Variants in SRCIN1 observed in about 807,000 individuals in gnomAD.
The protein encoded by SRCIN1 is SRC kinase signaling inhibitor 1.
In SRCIN1, 50 loss-of-function variants were observed where a neutral mutation model predicts 116.2. The ratio of observed to expected loss-of-function variants is 0.43; its 90% CI spans 0.34 to 0.54. SRCIN1 has a LOEUF of 0.54. Among genes scored for constraint, SRCIN1 ranks in the 20% least tolerant of loss-of-function variants. SRCIN1 has a pLI of 0.02. For synonymous variants in SRCIN1, 736 were observed against 750.0 expected (o/e 0.98, Z 0.30); for missense variants, 1,446 against 1,672.0 (o/e 0.86, Z 2.36).
intron 1 of SRCIN1, among the ~76,000 whole-genome samples, chr17:38,580,162 C>G (rs552246465): frequency 6.6e-6 from 1 of 151,154 alleles, no homozygotes; most frequent in Non-Finnish European, 1.5e-5. Flanking sequence ...AGCCTCCTCC[C>G]GCCAAGCATC....
At chr17:38,577,210 C>T (rs941259441) in intron 2 of SRCIN1, among the ~76,000 whole-genome samples, 19 of 152,222 alleles carry the variant, frequency 1.2e-4, no homozygotes, top group African/African-American at 4.6e-4. Flanking sequence ...CTCTAAACCC[C>T]GTCCCAACTG....
intron 1 of SRCIN1, among the ~76,000 whole-genome samples, chr17:38,598,029 C>G (rs992288883): frequency 6.6e-6 from 1 of 152,144 alleles, no homozygotes; most frequent in Admixed American, 6.5e-5. Flanking sequence ...CTCCAGGAAG[C>G]CCCGCACAAG....
chr17:38,548,654 G>C lies in SRCIN1; in HGVS notation c.3173C>G (p.Ala1058Gly). The change falls in exon 17 of 19, where the codon GCT becomes GGT. Residue 1058 changes from alanine to glycine, a missense_variant. This residue lies in a region of SRCIN1 where 531 missense variants were observed against 633.9 expected (regional missense o/e 0.84). Transcript: ENST00000617146. The part of the protein sequence containing the change: ...VQKPQVKLRR[A>G]VSEVARPAST... ...GGCTGGGCGGGCCACCTCAGACACA[G>C]CCCGGCGCAGCTTCACCTGGGGCTT... 6.2e-7 allele frequency: 1 copy of C among 1,612,488 alleles called. No individual in the cohort carries two copies. The highest frequency in any genetic ancestry group is 8.5e-7 in the Non-Finnish European group (1 of 1,179,608).
chr17:38,574,531 T>C (rs1006265187), intron 2 of SRCIN1, among the ~76,000 whole-genome samples: 2 of 152,050 alleles, frequency 1.3e-5, no homozygotes, highest in Admixed American at 1.3e-4. Context: ...GGGAATAAGA[T>C]AGTCCTCAGT....
Position 38,551,868 on chromosome 17 carries a change from A to G in SRCIN1, c.2727+18T>C, listed in dbSNP as rs760440069. 2 of 1,613,334 alleles carry G rather than the reference A, an allele frequency of 1.2e-6. No homozygotes were observed. Among genetic ancestry groups the G allele is most frequent in the East Asian group, 4.5e-5 (2 of 44,884 alleles). On this transcript the variant is annotated intron_variant, in intron 14 of 18. Coordinates refer to ENST00000617146, the MANE Select transcript of SRCIN1 (RefSeq NM_025248.3). ...GAACCTGGCTCATGGCCCCACCCACAATCCCTGGCCCCAGCACCTCAACAG... is the reference window on the plus strand; with the variant it reads ...GAACCTGGCTCATGGCCCCACCCACGATCCCTGGCCCCAGCACCTCAACAG...
chr17:38,560,490 C>T, intron 7 of SRCIN1, 65 bp from the exon 8 acceptor site: 1 of 1,371,292 alleles, frequency 7.3e-7, no homozygotes, highest in African/African-American at 1.4e-5. Context: ...CCCAGCCCCC[C>T]ATTCCTAAGA....
Position 38,533,274 on chromosome 17 carries a change from C to T in SRCIN1, c.*23G>A, listed in dbSNP as rs763225349. 2.1e-5 allele frequency: 24 copies of T among 1,163,656 alleles called. No homozygotes were observed. Among genetic ancestry groups the T allele is most frequent in the Middle Eastern group, 4.6e-4 (2 of 4,316 alleles). 72.1% of individuals were successfully genotyped at this position (1,163,656 alleles called of 1,614,324 possible). On this transcript the variant is annotated 3_prime_UTR_variant, in exon 19 of 19. Coordinates refer to ENST00000617146, the MANE Select transcript of SRCIN1 (RefSeq NM_025248.3). ...GGCAGGAGTGAGGGAGGGGGACAGG[C>T]GGGGCAGCGGGGTGAGGGGCTTCTA...
chr17:38,606,686 T>G (rs564011986), upstream of SRCIN1, among the ~76,000 whole-genome samples: 57 of 152,280 alleles, frequency 3.7e-4, 1 homozygote, highest in Non-Finnish European at 3.5e-4. The surrounding 1 kb of genome is among the most constrained non-coding windows in gnomAD (Gnocchi z 5.2). Context: ...CCGCCTCTAC[T>G]TCAGCCCGCA....
At chr17:38,536,512 G>A (rs1203422902) in intron 18 of SRCIN1, among the ~76,000 whole-genome samples, 1 of 152,244 alleles carries the variant, frequency 6.6e-6, no homozygotes, top group Non-Finnish European at 1.5e-5. Context: ...CTTGCCTGGG[G>A]ATCAGAGCCG....
intron 1 of SRCIN1, among the ~76,000 whole-genome samples, chr17:38,600,832 G>A (rs1023580635): frequency 3.9e-5 from 6 of 152,188 alleles, no homozygotes; most frequent in African/African-American, 1.4e-4. Flanking sequence ...GGGTCCCCTC[G>A]ACTACAGCCA....
At chr17:38,569,352 C>G (rs987829713) in intron 2 of SRCIN1, among the ~76,000 whole-genome samples, 5 of 152,196 alleles carry the variant, frequency 3.3e-5, no homozygotes, top group Non-Finnish European at 4.4e-5. Context: ...GATGGCCTGG[C>G]CCGGGGGTGC....
At position 38,568,979 on chromosome 17, in the gene SRCIN1, C is replaced by G. The variant is rs1471034611; in HGVS notation, c.325-748G>C. Among the ~76,000 whole-genome samples, 1 of 151,984 alleles carries G rather than the reference C, an allele frequency of 6.6e-6. No homozygotes were observed. The highest frequency in any genetic ancestry group is 2.4e-5 in the African/African-American group (1 of 41,370). The stretch of plus-strand genomic sequence containing the variant: ...GGGCCCAAGGCCAAGAGAGAGAGGC[C>G]TATGCAGCATGGTGGATCTAGTTTA... On this transcript the variant is annotated intron_variant, in intron 2 of 18. Transcript: ENST00000617146. This position sits in a 1 kb window ranked among gnomAD's most constrained non-coding sequence, Gnocchi z 4.5.
Position 38,558,210 on chromosome 17 carries a change from C to A in SRCIN1, c.2201+17G>T. Reference sequence around the variant, plus strand: ...GCCGCACCCCCACCCCTCCCTCCGCCGCGGGCCCAGCCTCACTTGAGCTGC... The same window carrying A: ...GCCGCACCCCCACCCCTCCCTCCGCAGCGGGCCCAGCCTCACTTGAGCTGC... On this transcript the variant is annotated intron_variant, in intron 11 of 18. Transcript: ENST00000617146. This position sits in a 1 kb window ranked among gnomAD's most constrained non-coding sequence, Gnocchi z 4.6. 6.2e-7 allele frequency: 1 copy of A among 1,604,846 alleles called. No homozygotes were observed. The highest frequency in any genetic ancestry group is 1.1e-5 in the South Asian group (1 of 90,816).
At chr17:38,597,899 G>C (rs990072313) in intron 1 of SRCIN1, among the ~76,000 whole-genome samples, 15 of 152,158 alleles carry the variant, frequency 9.9e-5, no homozygotes, top group African/African-American at 2.2e-4. Flanking sequence ...GGACCAGGAG[G>C]GGGTGAGCCA....
intron 11 of SRCIN1, among the ~76,000 whole-genome samples, chr17:38,554,566 C>T (rs1354597606): frequency 6.6e-6 from 1 of 152,184 alleles, no homozygotes; most frequent in East Asian, 1.9e-4. Context: ...GCTTCCTGCC[C>T]TCCAAACCGC....
At position 38,605,723 on chromosome 17, in the gene SRCIN1, G is replaced by A. The variant is rs1597947011; in HGVS notation, c.-18C>T. The A allele has an allele frequency of 1.7e-6, 2 of 1,180,744 alleles. No homozygotes were observed. The highest frequency in any genetic ancestry group is 2.1e-6 in the Non-Finnish European group (2 of 944,180). The allele number at this position is 1,180,744 out of a possible 1,614,324, so 73.1% of individuals were successfully genotyped here. A position where few individuals can be genotyped will look rare whatever the true frequency, so the allele number is the denominator to read the frequency against. On this transcript the variant is annotated 5_prime_UTR_variant, in exon 1 of 19. Transcript: ENST00000617146. The stretch of plus-strand genomic sequence containing the variant: ...TTCCCCATCGGGCGGGGGCGCGGGG[G>A]GCGGGGGCCCCGGGCCGGCCTGCCT...
Position 38,562,823 on chromosome 17 carries a change from A to C in SRCIN1, c.834+4T>G, listed in dbSNP as rs758061091. Reference sequence around the variant, plus strand: ...CCCAATGCCCTGGGCATGCCCAGCCATACCCGGAGGTCCCCGTTGGTGAGA... The same window carrying C: ...CCCAATGCCCTGGGCATGCCCAGCCCTACCCGGAGGTCCCCGTTGGTGAGA... On this transcript the variant is annotated splice_donor_region_variant and intron_variant, in intron 6 of 18. Transcript: ENST00000617146. The surrounding 1 kb of genome is among the most constrained non-coding windows in gnomAD (Gnocchi z 4.2). The C allele has an allele frequency of 1.9e-6, 3 of 1,613,348 alleles. No individual in the cohort carries two copies. In the Admixed American group the frequency reaches 5.0e-5, roughly 27 times the overall value.
intron 2 of SRCIN1, 73 bp downstream of exon 2, chr17:38,578,417 G>A: frequency 4.1e-6 from 6 of 1,472,812 alleles, no homozygotes; most frequent in Non-Finnish European, 5.4e-6. Context: ...GGGACACGGA[G>A]CACGGGGTCA....
Position 38,552,644 on chromosome 17 carries a change from T to C in SRCIN1, c.2333-50A>G. The C allele has an allele frequency of 6.2e-7, 1 of 1,612,976 alleles. No individual in the cohort carries two copies. Among genetic ancestry groups the C allele is most frequent in the Non-Finnish European group, 8.5e-7 (1 of 1,179,784 alleles). Reference sequence around the variant, plus strand: ...TGGGGCCAGAGGGAGCACCACAGACTGGGAGGAGAGGATGGTGGCTGGAGT... The same window carrying C: ...TGGGGCCAGAGGGAGCACCACAGACCGGGAGGAGAGGATGGTGGCTGGAGT... On this transcript the variant is annotated intron_variant, in intron 12 of 18. Coordinates refer to ENST00000617146, the MANE Select transcript of SRCIN1 (RefSeq NM_025248.3). This position sits in a 1 kb window ranked among gnomAD's most constrained non-coding sequence, Gnocchi z 5.3.
Sources: gnomAD v4.1 joint callset for allele counts (sites outside exome capture counted in the v4.1 genomes callset) on GRCh38, gnomAD v4.1.1 for gene constraint, gnomAD v4.1.1 regional missense constraint, Gnocchi (gnomAD v3.1) non-coding constraint, MANE v1.5 for transcripts, NCBI Gene and HGNC (gene_info 2026-07-23, HGNC 2026-07-21) for gene names.